The following PRDM11 variants were observed in gnomAD, a reference collection of about 807,000 sequenced individuals.
The protein encoded by PRDM11 is PR domain-containing protein 11.
A neutral mutation model predicts 97.8 loss-of-function variants in PRDM11; 20 were observed. The ratio of observed to expected loss-of-function variants is 0.20; its 90% CI spans 0.14 to 0.30. The LOEUF (loss-of-function observed/expected upper bound fraction) is 0.30, where lower values mean the gene tolerates loss of function less well. Ranked by LOEUF, PRDM11 falls within the 10% of genes least tolerant of loss-of-function variation. The pLI, the probability that PRDM11 is intolerant of heterozygous loss-of-function variation, is 1.00. For missense variants in PRDM11, 1,139 were observed against 1,555.2 expected, an observed-to-expected ratio of 0.73 and a Z score of 4.50; for synonymous variants, 599 against 637.7, an observed-to-expected ratio of 0.94 and a Z score of 0.91.
chr11:45,189,488 A>T (rs1019097585), intron 4 of PRDM11, among the ~76,000 whole-genome samples: 4 of 152,138 alleles, frequency 2.6e-5, no homozygotes, highest in African/African-American at 9.7e-5. Context: ...GAAAAGGACC[A>T]GGGAGCTCCT....
At chr11:45,224,172 T>G (rs761642290) in intron 6 of PRDM11, 45 bp from the exon 7 acceptor site, 1 of 1,524,032 alleles carries the variant, frequency 6.6e-7, no homozygotes, top group East Asian at 2.3e-5. Context: ...TTTCTCCAAT[T>G]TGGGGGTTTT....
At chr11:45,207,206 T>G (rs1853546217) in intron 5 of PRDM11, among the ~76,000 whole-genome samples, 1 of 152,250 alleles carries the variant, frequency 6.6e-6, no homozygotes, top group Non-Finnish European at 1.5e-5. Context: ...TTTCCCTTCA[T>G]GTCCAGCTTC....
intron 1 of PRDM11, among the ~76,000 whole-genome samples, chr11:45,164,418 G>A (rs1852009681): frequency 6.6e-6 from 1 of 152,248 alleles, no homozygotes; most frequent in Non-Finnish European, 1.5e-5. Flanking sequence ...TTACTCGGCA[G>A]CCTTTGGGCT....
chr11:45,172,422 T>TG (rs916909104), intron 1 of PRDM11, among the ~76,000 whole-genome samples: 3 of 152,212 alleles, frequency 2.0e-5, no homozygotes, highest in African/African-American at 4.8e-5. Flanking sequence ...TGAAGCTATC[T>TG]GGGGGGTCCC....
chr11:45,180,822 G>A (rs1319843370), intron 1 of PRDM11, among the ~76,000 whole-genome samples: 1 of 151,102 alleles, frequency 6.6e-6, no homozygotes, highest in Admixed American at 6.6e-5. Flanking sequence ...GGCAGGGGGC[G>A]GCGCGCCCGG....
At chr11:45,118,339 G>A (rs1264360527) in intron 1 of PRDM11, among the ~76,000 whole-genome samples, 7 of 152,212 alleles carry the variant, frequency 4.6e-5, no homozygotes, top group African/African-American at 1.4e-4. Flanking sequence ...ATATAGTTAT[G>A]TAGGATAATA....
chr11:45,106,896 G>A (rs768131712), intron 1 of PRDM11, among the ~76,000 whole-genome samples: 1 of 152,268 alleles, frequency 6.6e-6, no homozygotes. Flanking sequence ...GAGATGTGGG[G>A]TGGAGTTGGG....
chr11:45,096,023 T>C (rs1851883593), intron 1 of PRDM11: 3 of 694,254 alleles, frequency 4.3e-6, no homozygotes, highest in African/African-American at 1.8e-5. Context: ...CATCTTCTCA[T>C]TAAAGCCCGC....
chr11:45,107,942 G>A (rs1054253566), intron 1 of PRDM11, among the ~76,000 whole-genome samples: 1 of 151,508 alleles, frequency 6.6e-6, no homozygotes, highest in African/African-American at 2.4e-5. Context: ...TGATTCTCAT[G>A]TCTCAGCCTC....
chr11:45,185,236 G>A (rs1385678974), intron 4 of PRDM11, among the ~76,000 whole-genome samples: 1 of 152,244 alleles, frequency 6.6e-6, no homozygotes, highest in Non-Finnish European at 1.5e-5. Context: ...ATTGGGCAAT[G>A]TCTGGAGACC....
chr11:45,217,448 C>T (rs142837291), intron 5 of PRDM11, among the ~76,000 whole-genome samples: 2 of 152,308 alleles, frequency 1.3e-5, no homozygotes, highest in Non-Finnish European at 2.9e-5. Flanking sequence ...AGAACACAGA[C>T]CTAGGACAAG....
chr11:45,197,427 G>T (rs955806971), intron 4 of PRDM11, among the ~76,000 whole-genome samples: 7 of 152,100 alleles, frequency 4.6e-5, no homozygotes, highest in Non-Finnish European at 8.8e-5. Context: ...CTACTGTACA[G>T]CATAGAGCCT....
At chr11:45,095,087 C>T (rs1386817921), upstream of PRDM11, among the ~76,000 whole-genome samples, 1 of 152,120 alleles carries the variant, frequency 6.6e-6, no homozygotes, top group African/African-American at 2.4e-5. Context: ...CCCCAACCTG[C>T]CACCACAGTG....
At chr11:45,140,655 T>TCCAGGA (rs1851381938) in intron 1 of PRDM11, among the ~76,000 whole-genome samples, 1 of 152,124 alleles carries the variant, frequency 6.6e-6, no homozygotes, top group African/African-American at 2.4e-5. Context: ...GGAGCTTATC[T>TCCAGGA]GTCTCATTGT....
intron 1 of PRDM11, among the ~76,000 whole-genome samples, chr11:45,149,931 G>C (rs1385332868): frequency 6.6e-6 from 1 of 152,244 alleles, no homozygotes; most frequent in Non-Finnish European, 1.5e-5. Context: ...TGCATGTGCA[G>C]TTAATGCACA....
At chr11:45,180,307 T>A (rs1211165488) in intron 1 of PRDM11, among the ~76,000 whole-genome samples, 1 of 151,924 alleles carries the variant, frequency 6.6e-6, no homozygotes, top group Non-Finnish European at 1.5e-5. Context: ...CCCCAGGCGG[T>A]GCAGGTGCGG....
At chr11:45,181,119 C>A (rs907836720) in intron 1 of PRDM11, among the ~76,000 whole-genome samples, 14 of 152,204 alleles carry the variant, frequency 9.2e-5, no homozygotes, top group Non-Finnish European at 1.5e-4. Context: ...GCATGAGGAC[C>A]CCGGGGTGCC....
chr11:45,128,002 T>G (rs546949690), intron 1 of PRDM11, among the ~76,000 whole-genome samples: 1 of 152,354 alleles, frequency 6.6e-6, no homozygotes, highest in East Asian at 1.9e-4. Context: ...CTCCACCCAC[T>G]TCGAGCTTCC....
chr11:45,146,585 C>T (rs1340867988), upstream of PRDM11: 2 of 152,024 alleles, frequency 1.3e-5, no homozygotes, highest in African/African-American at 4.8e-5. Flanking sequence ...GGCTCCGGCC[C>T]CTGAATTGGG....
Sources: gnomAD v4.1 joint callset for allele counts (sites outside exome capture counted in the v4.1 genomes callset) on GRCh38, gnomAD v4.1.1 for gene constraint, MANE v1.5 for transcripts, NCBI Gene and HGNC (gene_info 2026-07-23, HGNC 2026-07-21) for gene names.